KHDRBS2: variants seen among roughly 807,000 people sequenced by gnomAD.
The protein encoded by KHDRBS2 is KH domain-containing, RNA-binding, signal transduction-associated protein 2.
Under a neutral mutation model 44.3 loss-of-function variants are expected in KHDRBS2, and 26 were observed. That is an observed-to-expected ratio of 0.59 (90% CI 0.43 to 0.81). The LOEUF (loss-of-function observed/expected upper bound fraction) is 0.81. KHDRBS2 is among the 40% of genes least tolerant of loss of function. KHDRBS2 has a pLI of 0.00. For missense variants in KHDRBS2, 476 were observed against 433.1 expected (o/e 1.10, Z -0.88); for synonymous variants, 194 against 151.1 (o/e 1.28, Z -2.08).
chr6:61,604,930 A>G, the KHDRBS2 span, among the ~76,000 whole-genome samples: 1 of 152,036 alleles, frequency 6.6e-6, no homozygotes, highest in South Asian at 2.1e-4. Context: ...ACTGACCTTT[A>G]TTAGTCAAAT....
At chr6:62,169,892 C>T (rs921042385) in intron 2 of KHDRBS2, among the ~76,000 whole-genome samples, 1 of 151,786 alleles carries the variant, frequency 6.6e-6, no homozygotes, top group Non-Finnish European at 1.5e-5. Flanking sequence ...TAAGATTGAT[C>T]CATCCACCCT....
chr6:61,544,768 G>C, the KHDRBS2 span, among the ~76,000 whole-genome samples: 1 of 151,986 alleles, frequency 6.6e-6, no homozygotes, highest in Non-Finnish European at 1.5e-5. Flanking sequence ...TGATGAGTTT[G>C]TGTCCTTTGT....
chr6:62,053,554 A>C lies in KHDRBS2; in HGVS notation c.220-5560T>G, dbSNP rs573046923. 7.2e-4 allele frequency among the ~76,000 whole-genome samples: 110 copies of C among 152,106 alleles called. 2 individuals carry two copies. In the South Asian group the frequency reaches 0.019, roughly 26 times the overall value. On this transcript the variant is annotated intron_variant, in intron 2 of 8. Coordinates refer to ENST00000281156, the MANE Select transcript of KHDRBS2 (RefSeq NM_152688.4). ...GCTAGCATTTTATTTGTTTGGAAAA[A>C]TGATTTGATAGAATTTAAACTTAAT... is the stretch of plus-strand genomic sequence containing the variant.
the KHDRBS2 span, among the ~76,000 whole-genome samples, chr6:61,598,661 G>T: frequency 1.6e-4 from 25 of 152,096 alleles, 1 homozygote; most frequent in African/African-American, 5.5e-4. Context: ...TTTTATAAAC[G>T]TTTCTTTCCT....
chr6:61,997,468 C>T (rs1297656543), intron 3 of KHDRBS2, among the ~76,000 whole-genome samples: 5 of 152,124 alleles, frequency 3.3e-5, no homozygotes, highest in African/African-American at 1.2e-4. Context: ...TAACTAAATG[C>T]AACCCATTAT....
the KHDRBS2 span, among the ~76,000 whole-genome samples, chr6:61,550,350 A>G: frequency 6.6e-6 from 1 of 152,232 alleles, no homozygotes; most frequent in South Asian, 2.1e-4. Flanking sequence ...AGTTCTGTCT[A>G]TGTTGCTGCA....
chr6:61,551,482 G>A, the KHDRBS2 span, among the ~76,000 whole-genome samples: 2 of 151,962 alleles, frequency 1.3e-5, no homozygotes, highest in African/African-American at 4.8e-5. Flanking sequence ...TATCTTCCAT[G>A]GTTTTTTAGT....
chr6:61,885,228 T>C (rs1266531081), intron 6 of KHDRBS2, among the ~76,000 whole-genome samples: 1 of 152,032 alleles, frequency 6.6e-6, no homozygotes, highest in Admixed American at 6.6e-5. Flanking sequence ...AGGATTTTTC[T>C]GTAGCTGGTT....
chr6:61,582,988 A>G, the KHDRBS2 span, among the ~76,000 whole-genome samples: 1 of 151,872 alleles, frequency 6.6e-6, no homozygotes, highest in African/African-American at 2.4e-5. Context: ...AAACACTGGA[A>G]TAGTAATGTA....
chr6:61,803,867 TC>T (rs1341804256), intron 6 of KHDRBS2, among the ~76,000 whole-genome samples: 1 of 151,996 alleles, frequency 6.6e-6, no homozygotes, highest in East Asian at 1.9e-4. Flanking sequence ...CATAGGGGTA[TC>T]AGGTCCATGA....
intron 1 of KHDRBS2, among the ~76,000 whole-genome samples, chr6:62,197,472 G>A (rs1335857213): frequency 1.3e-5 from 2 of 152,078 alleles, no homozygotes; most frequent in Non-Finnish European, 2.9e-5. Context: ...CTGCTTCTAT[G>A]GATAATGGGT....
intron 2 of KHDRBS2, among the ~76,000 whole-genome samples, chr6:62,052,200 A>T (rs1789222984): frequency 3.9e-5 from 6 of 152,034 alleles, no homozygotes; most frequent in Admixed American, 3.9e-4. Flanking sequence ...TTATTGTAGC[A>T]TTATTCATGA....
the KHDRBS2 span, among the ~76,000 whole-genome samples, chr6:61,631,111 G>A: frequency 4.6e-5 from 7 of 152,042 alleles, no homozygotes; most frequent in Non-Finnish European, 1.0e-4. Context: ...TACTAGAAGA[G>A]ACATATCACT....
At chr6:62,215,503 A>G (rs1829829447) in intron 1 of KHDRBS2, among the ~76,000 whole-genome samples, 1 of 151,868 alleles carries the variant, frequency 6.6e-6, no homozygotes, top group Non-Finnish European at 1.5e-5. Flanking sequence ...TCATTGGAGG[A>G]TCTTTCACAT....
At chr6:61,686,019 G>T (rs1766778286) in intron 8 of KHDRBS2, among the ~76,000 whole-genome samples, 1 of 151,638 alleles carries the variant, frequency 6.6e-6, no homozygotes. Context: ...GTTTTAAAAT[G>T]CCACCTAAGA....
chr6:61,924,409 C>T (rs1931809), intron 4 of KHDRBS2, among the ~76,000 whole-genome samples: 117,166 of 151,716 alleles, frequency 0.77, 45,567 homozygotes, highest in African/African-American at 0.85. Context: ...CAGCTGCATA[C>T]ATCAAAACAT....
At position 61,745,983 on chromosome 6, in the gene KHDRBS2, G is replaced by C. The variant is rs1366739665; in HGVS notation, c.811-13219C>G. On this transcript the variant is annotated intron_variant, in intron 6 of 8. Coordinates refer to ENST00000281156, the MANE Select transcript of KHDRBS2 (RefSeq NM_152688.4). ...CTTTAGAACTTGCCCCATTTCTGTT[G>C]TCCCACTAGTCACTGAGACTTAGTA... Among the ~76,000 whole-genome samples the C allele has an allele frequency of 5.3e-5, 8 of 151,984 alleles. No individual in the cohort carries two copies. In the East Asian group the frequency reaches 1.5e-3, roughly 29 times the overall value.
intron 1 of KHDRBS2, among the ~76,000 whole-genome samples, chr6:62,211,641 T>A (rs1171524275): frequency 6.6e-6 from 1 of 152,172 alleles, no homozygotes. Context: ...CAGGAATACA[T>A]GTGCAGGTTT....
At chr6:61,608,700 G>C in the KHDRBS2 span, among the ~76,000 whole-genome samples, 1 of 148,646 alleles carries the variant, frequency 6.7e-6, no homozygotes, top group South Asian at 2.1e-4. Context: ...TTGGTTTTTT[G>C]TTCCTGTGTT....
Sources: gnomAD v4.1 joint callset for allele counts (sites outside exome capture counted in the v4.1 genomes callset) on GRCh38, gnomAD v4.1.1 for gene constraint, MANE v1.5 for transcripts, NCBI Gene and HGNC (gene_info 2026-07-23, HGNC 2026-07-21) for gene names.